PLCG2: variants seen among roughly 807,000 people sequenced by gnomAD.
The protein encoded by PLCG2 is phospholipase C gamma 2, also known as 1-phosphatidylinositol 4,5-bisphosphate phosphodiesterase gamma-2.
A neutral mutation model predicts 175.6 loss-of-function variants in PLCG2; 69 were observed. That is an observed-to-expected ratio of 0.39 (90% CI 0.32 to 0.48). PLCG2 has a LOEUF of 0.48. PLCG2 is among the 20% of genes least tolerant of loss of function. PLCG2 has a pLI of 0.91. For synonymous variants in PLCG2, 827 were observed against 624.0 expected, an observed-to-expected ratio of 1.33 and a Z score of -4.85; for missense variants, 1,798 against 1,650.9, an observed-to-expected ratio of 1.09 and a Z score of -1.54.
intron 13 of PLCG2, among the ~76,000 whole-genome samples, chr16:81,899,087 G>T (rs969532509): frequency 3.9e-5 from 6 of 152,136 alleles, no homozygotes; most frequent in African/African-American, 1.4e-4. Context: ...TACTCAGGAG[G>T]CTGAGGCAGG....
At chr16:81,910,883 G>T (rs563101058) in intron 18 of PLCG2, among the ~76,000 whole-genome samples, 163 bp downstream of exon 18, 5 of 152,196 alleles carry the variant, frequency 3.3e-5, no homozygotes, top group Admixed American at 2.6e-4. Flanking sequence ...CAAATTCCTG[G>T]CACCATGACC....
At chr16:81,912,108 T>A (rs1233834246) in intron 18 of PLCG2, among the ~76,000 whole-genome samples, 1 of 152,184 alleles carries the variant, frequency 6.6e-6, no homozygotes, top group Non-Finnish European at 1.5e-5. Flanking sequence ...AATTTTTGTA[T>A]TTTTAGTAGA....
chr16:81,772,834 T>A (rs1910313240), intron 2 of PLCG2, among the ~76,000 whole-genome samples: 1 of 152,004 alleles, frequency 6.6e-6, no homozygotes, highest in Admixed American at 6.6e-5. Flanking sequence ...CTGAAAAGGC[T>A]AAGAAAGGAA....
intron 2 of PLCG2, among the ~76,000 whole-genome samples, chr16:81,774,280 G>A (rs1413650752): frequency 6.6e-6 from 1 of 151,184 alleles, no homozygotes; most frequent in Non-Finnish European, 1.5e-5. Flanking sequence ...AGCCCAGGAG[G>A]CAGAGGTTGC....
intron 1 of PLCG2, among the ~76,000 whole-genome samples, chr16:81,784,604 G>C (rs921425832): frequency 2.6e-5 from 4 of 152,220 alleles, no homozygotes; most frequent in Non-Finnish European, 4.4e-5. Context: ...TGGAGGGAAA[G>C]GAGGAGATAA....
intron 19 of PLCG2, among the ~76,000 whole-genome samples, chr16:81,915,787 C>CT: frequency 7.6e-6 from 1 of 131,082 alleles, no homozygotes. Flanking sequence ...CACCCCAGAG[C>CT]CCCCCTGCCT....
At chr16:81,919,386 G>C (rs1484004064) in intron 19 of PLCG2, 98 bp from the exon 20 acceptor site, 5 of 877,700 alleles carry the variant, frequency 5.7e-6, no homozygotes, top group African/African-American at 5.0e-5. Flanking sequence ...CTTCTCTAAG[G>C]CTGGATAACT....
At chr16:81,780,766 C>A (rs1034649844) in intron 1 of PLCG2, among the ~76,000 whole-genome samples, 1 of 152,186 alleles carries the variant, frequency 6.6e-6, no homozygotes, top group African/African-American at 2.4e-5. Context: ...GTGGCTCACA[C>A]CTGTAATCCC....
intron 2 of PLCG2, among the ~76,000 whole-genome samples, chr16:81,792,273 G>C (rs769172146): frequency 2.6e-5 from 4 of 152,074 alleles, no homozygotes; most frequent in Non-Finnish European, 5.9e-5. Flanking sequence ...CCTGGGGTCA[G>C]GAGTTCGAGA....
upstream of PLCG2, among the ~76,000 whole-genome samples, chr16:81,776,000 C>T (rs909572198): frequency 6.6e-6 from 1 of 152,008 alleles, no homozygotes; most frequent in Non-Finnish European, 1.5e-5. Context: ...ACTTAACCCA[C>T]TCTAGCCCTC....
intron 1 of PLCG2, among the ~76,000 whole-genome samples, chr16:81,750,170 G>A (rs963315023): frequency 3.9e-5 from 6 of 152,204 alleles, no homozygotes; most frequent in African/African-American, 1.2e-4. Flanking sequence ...CACTTTGGGA[G>A]AACAAGGCGG....
At position 81,891,536 on chromosome 16, in the gene PLCG2, T is replaced by C. The variant is rs566918317; in HGVS notation, c.932T>C (p.Met311Thr). ...GATGAGAAGTATGACGCGGTGGACA[T>C]GCAGGACATGAACAACCCCCTGTCT... is the stretch of plus-strand genomic sequence containing the variant. The part of the protein sequence containing the change: ...IWDEKYDAVD[M>T]QDMNNPLSHY... The change falls in exon 11 of 33, where the codon ATG (methionine) becomes ACG (threonine). Residue 311 changes from methionine to threonine, a missense_variant. Transcript: ENST00000564138. 1.2e-6 allele frequency: 2 copies of C among 1,612,680 alleles called. No individual in the cohort carries two copies. The highest frequency in any genetic ancestry group is 1.7e-4 in the Middle Eastern group (1 of 6,010).
intron 30 of PLCG2, among the ~76,000 whole-genome samples, chr16:81,944,189 T>G (rs571461865): frequency 6.6e-6 from 1 of 152,302 alleles, no homozygotes; most frequent in Admixed American, 6.5e-5. Flanking sequence ...TGTCATACTT[T>G]GAATTGTATA....
At chr16:81,742,747 C>T (rs569350228) in intron 1 of PLCG2, among the ~76,000 whole-genome samples, 14 of 152,252 alleles carry the variant, frequency 9.2e-5, no homozygotes, top group Middle Eastern at 6.8e-3. Flanking sequence ...CCAGGTGCTA[C>T]GAGACGGGAG....
rs144233040 is a variant in PLCG2 at position 81,755,136 on chromosome 16, G to T, written c.-144-734G>T. ...AAGCAGGGAAGAGAAGCCCAGCTGA[G>T]CTGAGAGGTGGCTGACAATGGGAAA... is the stretch of plus-strand genomic sequence containing the variant. On this transcript the variant is annotated intron_variant, in intron 1 of 5. Coordinates refer to the PLCG2 transcript ENST00000565054. Among the ~76,000 whole-genome samples, 1,177 of 152,300 alleles carry T rather than the reference G, an allele frequency of 7.7e-3. 6 individuals carry two copies. Among genetic ancestry groups the T allele is most frequent in the Middle Eastern group, 0.02 (6 of 294 alleles).
intron 31 of PLCG2, among the ~76,000 whole-genome samples, chr16:81,956,316 G>C (rs1434411606): frequency 2.0e-5 from 3 of 152,002 alleles, no homozygotes; most frequent in African/African-American, 4.8e-5. Flanking sequence ...TTTCTCCTCT[G>C]CTGGGTTCCA....
rs1157731599 is a variant in PLCG2, at chr16:81,802,093, C to CTTTTTTTTTTTTTTTTTT, written c.193+15932_193+15949dup. On this transcript the variant is annotated intron_variant, in intron 2 of 32. Transcript: ENST00000564138. ...GTTAGCTCCTTCAGGTGAGTACAGTCTTTTTTTTTTTTTTTTTTTTTTTTT... is the reference window on the plus strand; with the variant it reads ...GTTAGCTCCTTCAGGTGAGTACAGTCTTTTTTTTTTTTTTTTTTTTTTTTTTTTTTTTTTTTTTTTTTT... 4.2e-4 allele frequency among the ~76,000 whole-genome samples: 17 copies of CTTTTTTTTTTTTTTTTTT among 40,016 alleles called. 4 individuals are homozygous for CTTTTTTTTTTTTTTTTTT. The highest frequency in any genetic ancestry group is 2.6e-3 in the East Asian group (2 of 760). The allele number at this position is 40,016 out of a possible 152,430, so 26.3% of individuals were successfully genotyped here.
chr16:81,789,462 T>G (rs1911128557), intron 2 of PLCG2, among the ~76,000 whole-genome samples: 2 of 152,182 alleles, frequency 1.3e-5, no homozygotes, highest in African/African-American at 4.8e-5. Flanking sequence ...GCTGATTTTT[T>G]AACTTTTGTG....
intron 1 of PLCG2, among the ~76,000 whole-genome samples, chr16:81,741,301 A>C (rs546069427): frequency 8.5e-5 from 13 of 152,376 alleles, no homozygotes; most frequent in African/African-American, 3.1e-4. Context: ...ACTATAGCTC[A>C]GAGAGGTAAA....
Sources: allele counts gnomAD v4.1 joint callset (sites outside exome capture counted in the v4.1 genomes callset), GRCh38; gene constraint gnomAD v4.1.1; transcripts MANE v1.5; gene names NCBI Gene and HGNC (gene_info 2026-07-23, HGNC 2026-07-21).